ATF6: variants seen among roughly 807,000 people sequenced by gnomAD.
ATF6 encodes the protein cyclic AMP-dependent transcription factor ATF-6 alpha.
In ATF6, 53 loss-of-function variants were observed where a neutral mutation model predicts 83.6. That is an observed-to-expected ratio of 0.63 (90% confidence interval 0.51 to 0.80). The LOEUF (loss-of-function observed/expected upper bound fraction) is 0.80. ATF6 is among the 30% of genes least tolerant of loss of function. The pLI is 0.00. For synonymous variants in ATF6, 288 were observed against 285.8 expected (o/e 1.01, Z -0.08); for missense variants, 744 against 797.9 (o/e 0.93, Z 0.81).
At chr1:161,891,487 C>T (rs1271207498) in intron 14 of ATF6, 1 of 152,302 alleles carries the variant, frequency 6.6e-6, no homozygotes, top group Non-Finnish European at 1.5e-5. Context: ...AAGTTGGTAT[C>T]CAAGATAGTG....
chr1:161,846,608 C>T, intron 10 of ATF6, 28 bp downstream of exon 10: 1 of 1,563,328 alleles, frequency 6.4e-7, no homozygotes, highest in Non-Finnish European at 8.7e-7. Flanking sequence ...TATCTTTTGG[C>T]CTAAGTGATT....
rs1469180319 is a variant in ATF6, at chr1:161,956,472, AC to A, written c.1805-1971del. On this transcript the variant is annotated intron_variant, in intron 15 of 15. Coordinates refer to ENST00000367942, the MANE Select transcript of ATF6 (RefSeq NM_007348.4). The stretch of plus-strand genomic sequence containing the variant: ...TCTTTCATCTCCTACTTTTTGGAAA[AC>A]CCTTTGATGAGAAACATTGGCTAAC... Among the ~76,000 whole-genome samples the A allele has an allele frequency of 5.9e-5, 9 of 152,134 alleles. No individual in the cohort carries two copies. The East Asian group carries it at 1.5e-3, about 26-fold the overall frequency.
At chr1:161,857,161 TAACTGC>T (rs1306900592) in intron 12 of ATF6, among the ~76,000 whole-genome samples, 5 of 152,222 alleles carry the variant, frequency 3.3e-5, no homozygotes, top group African/African-American at 1.2e-4. Context: ...AAAGAGCCTG[TAACTGC>T]TCTCCTTTTT....
At chr1:161,929,286 T>TC (rs1220065113) in intron 15 of ATF6, among the ~76,000 whole-genome samples, 6 of 152,034 alleles carry the variant, frequency 3.9e-5, no homozygotes, top group African/African-American at 9.7e-5. Flanking sequence ...AAAAACAAAG[T>TC]CCTAAATTAC....
At chr1:161,771,274 A>G (rs531045918) in intron 1 of ATF6, among the ~76,000 whole-genome samples, 1 of 151,342 alleles carries the variant, frequency 6.6e-6, no homozygotes, top group African/African-American at 2.4e-5. Context: ...TGTACTTAAG[A>G]TATGTGTATC....
chr1:161,877,672 T>G (rs1358159806), intron 14 of ATF6, among the ~76,000 whole-genome samples: 1 of 152,120 alleles, frequency 6.6e-6, no homozygotes, highest in Admixed American at 6.6e-5. Flanking sequence ...ACGAATGATT[T>G]AGTTCGTAGA....
In ATF6 at chr1:161,959,669, C is replaced by CAAAAAA. The variant is rs55853407; in HGVS notation, c.*1035_*1040dup. 1.1e-5 allele frequency: 1 copy of CAAAAAA among 87,526 alleles called. No individual in the cohort carries two copies. Among genetic ancestry groups the CAAAAAA allele is most frequent in the Non-Finnish European group, 2.2e-5 (1 of 44,506 alleles). The allele number at this position is 87,526 out of a possible 1,614,324, so 5.4% of individuals were successfully genotyped here. A position where few individuals can be genotyped will look rare whatever the true frequency, so the allele number is the denominator to read the frequency against. ...TGGGCGACAGAGCGAGACTCCGTCT[C>CAAAAAA]AAAAAAAAAAAAAAAAAAAAAAAAA... On this transcript the variant is annotated 3_prime_UTR_variant, in exon 16 of 16. Coordinates refer to ENST00000367942, the MANE Select transcript of ATF6 (RefSeq NM_007348.4).
chr1:161,915,355 C>T (rs748717879), intron 15 of ATF6, among the ~76,000 whole-genome samples: 15 of 152,152 alleles, frequency 9.9e-5, no homozygotes, highest in Non-Finnish European at 2.1e-4. Context: ...GTAATACCTT[C>T]CTCTAAGAGT....
chr1:161,823,190 C>T, intron 9 of ATF6, among the ~76,000 whole-genome samples: 1 of 151,802 alleles, frequency 6.6e-6, no homozygotes, highest in African/African-American at 2.4e-5. Context: ...ATTTTTAATT[C>T]ATTTAAAAAT....
At chr1:161,783,936 T>C in intron 3 of ATF6, 54 bp from the exon 4 acceptor site, 1 of 1,258,856 alleles carries the variant, frequency 7.9e-7, no homozygotes. Context: ...CTTGTTCATT[T>C]TATTATAAGT....
intron 13 of ATF6, among the ~76,000 whole-genome samples, chr1:161,860,689 A>G (rs1686864489): frequency 6.6e-6 from 1 of 152,058 alleles, no homozygotes; most frequent in Middle Eastern, 3.2e-3. Flanking sequence ...AAATCCATGT[A>G]ATAACTAAAA....
chr1:161,774,541 A>G (rs1684472508), intron 1 of ATF6, among the ~76,000 whole-genome samples: 2 of 151,760 alleles, frequency 1.3e-5, no homozygotes, highest in Middle Eastern at 3.4e-3. Context: ...TTTTACACAG[A>G]CTCCTCAGTT....
chr1:161,837,763 A>G (rs1291210914), intron 9 of ATF6, among the ~76,000 whole-genome samples: 1 of 152,190 alleles, frequency 6.6e-6, no homozygotes, highest in Non-Finnish European at 1.5e-5. Flanking sequence ...GTGCTTGGGT[A>G]GTAAAGGTAG....
intron 15 of ATF6, among the ~76,000 whole-genome samples, chr1:161,924,388 G>A (rs1205717873): frequency 1.3e-5 from 2 of 152,180 alleles, no homozygotes; most frequent in East Asian, 1.9e-4. Flanking sequence ...AAGTTAGAGA[G>A]TGCTAAGAAA....
intron 3 of ATF6, among the ~76,000 whole-genome samples, chr1:161,783,653 C>G (rs1037692535): frequency 6.6e-6 from 1 of 151,770 alleles, no homozygotes; most frequent in Non-Finnish European, 1.5e-5. Context: ...TATTCCTCAG[C>G]CAACAAGTTC....
rs918257215 is a variant in ATF6, at chr1:161,963,762, T to C, written c.*5108T>C. 6.6e-6 allele frequency: 1 copy of C among 152,212 alleles called. No homozygotes were observed. The highest frequency in any genetic ancestry group is 2.4e-5 in the African/African-American group (1 of 41,442). 9.4% of individuals were successfully genotyped at this position (152,212 alleles called of 1,614,324 possible). ...GCACTACTAGCCTTAGAGGCACTGG[T>C]TTCCTGTTACCACTTTGGCAAGTAT... On this transcript the variant is annotated 3_prime_UTR_variant, in exon 16 of 16. Coordinates refer to ENST00000367942, the MANE Select transcript of ATF6 (RefSeq NM_007348.4).
rs2101905292 is a variant in ATF6 at position 161,935,630 on chromosome 1, A to G, written c.1805-22816A>G. On this transcript the variant is annotated intron_variant, in intron 15 of 15. Transcript: ENST00000367942. ...TTAGCTGTATTATTAGGTTAGTGCA[A>G]ATGTAATTGCTGTTTTCGCCATTTT... Among the ~76,000 whole-genome samples the G allele has an allele frequency of 1.3e-5, 2 of 152,314 alleles. 1 individual carries two copies. The highest frequency in any genetic ancestry group is 4.1e-4 in the South Asian group (2 of 4,826).
At chr1:161,834,171 A>G (rs1041821556) in intron 9 of ATF6, among the ~76,000 whole-genome samples, 26 of 152,336 alleles carry the variant, frequency 1.7e-4, no homozygotes, top group African/African-American at 6.0e-4. Flanking sequence ...TCATAAGTGA[A>G]GGAGAAATAA....
chr1:161,927,670 C>T (rs1230267827), intron 15 of ATF6, among the ~76,000 whole-genome samples: 1 of 152,170 alleles, frequency 6.6e-6, no homozygotes, highest in African/African-American at 2.4e-5. Flanking sequence ...AAATAATGAG[C>T]AATGCCACAT....
Sources: gnomAD v4.1 joint callset for allele counts (sites outside exome capture counted in the v4.1 genomes callset) on GRCh38, gnomAD v4.1.1 for gene constraint, MANE v1.5 for transcripts, NCBI Gene and HGNC (gene_info 2026-07-23, HGNC 2026-07-21) for gene names.